The following ZNF718 variants were observed in gnomAD, a reference collection of about 807,000 sequenced individuals.
ZNF718 encodes the protein zinc finger protein 718.
In ZNF718, 3 loss-of-function variants were observed where a neutral mutation model predicts 2.6. The observed-to-expected ratio is 1.16, with a 90% confidence interval of 0.53 to 3.01. The LOEUF (loss-of-function observed/expected upper bound fraction) is 3.01, where lower values mean the gene tolerates loss of function less well. Among genes scored for constraint, ZNF718 ranks in the 30% most tolerant of loss-of-function variants. The pLI is 0.03. For synonymous variants in ZNF718, 135 were observed against 77.9 expected (o/e 1.73, Z -3.86); for missense variants, 468 against 230.0 (o/e 2.03, Z -6.69).
intron 3 of ZNF718, among the ~76,000 whole-genome samples, chr4:185,921 G>T (rs541569722): frequency 2.6e-5 from 4 of 151,976 alleles, no homozygotes; most frequent in Non-Finnish European, 5.9e-5. Context: ...TGAAGACAGC[G>T]TACCAATGGT....
chr4:151,556 C>G (rs1418467639), intron 3 of ZNF718, among the ~76,000 whole-genome samples: 3 of 152,044 alleles, frequency 2.0e-5, no homozygotes, highest in African/African-American at 7.2e-5. Flanking sequence ...TCTTGGCTCA[C>G]TACAACCTCC....
chr4:153,250 T>G (rs1481837453), intron 3 of ZNF718, among the ~76,000 whole-genome samples: 1 of 152,178 alleles, frequency 6.6e-6, no homozygotes. Flanking sequence ...GATTTATTAC[T>G]GGGCTCACTG....
intron 3 of ZNF718, among the ~76,000 whole-genome samples, chr4:169,167 G>A (rs544844026): frequency 2.2e-4 from 34 of 152,192 alleles, no homozygotes; most frequent in Non-Finnish European, 4.1e-4. Flanking sequence ...GTGGTTTTGA[G>A]TAAGTTTCTT....
intron 3 of ZNF718, among the ~76,000 whole-genome samples, chr4:151,247 T>A (rs1241279370): frequency 6.6e-6 from 1 of 151,874 alleles, no homozygotes; most frequent in African/African-American, 2.4e-5. Context: ...GGACTACAGG[T>A]GCATACTGCC....
At chr4:179,261 C>T (rs1366955192) in intron 3 of ZNF718, among the ~76,000 whole-genome samples, 1 of 152,076 alleles carries the variant, frequency 6.6e-6, no homozygotes, top group African/African-American at 2.4e-5. Context: ...GTCTTTATGC[C>T]AATATCACAA....
At position 164,020 on chromosome 4, in the gene ZNF718, A is replaced by G. The variant is rs1717024971; in HGVS notation, c.*1898A>G. ...TATCCTTTGTATTACAAACAATCCA[A>G]TTATACACTTCATTTTTAAATGTAC... On this transcript the variant is annotated 3_prime_UTR_variant, in exon 4 of 4. Transcript: ENST00000510175. 1 of 152,108 alleles carries G rather than the reference A, an allele frequency of 6.6e-6. No homozygotes were observed. Among genetic ancestry groups the G allele is most frequent in the African/African-American group, 2.4e-5 (1 of 41,446 alleles). The allele number at this position is 152,108 out of a possible 1,614,324, so 9.4% of individuals were successfully genotyped here.
intron 3 of ZNF718, among the ~76,000 whole-genome samples, chr4:134,286 A>C (rs1005262235): frequency 2.0e-5 from 3 of 152,150 alleles, no homozygotes; most frequent in African/African-American, 7.2e-5. Flanking sequence ...AGCTGGGACT[A>C]CAGGTGCCCG....
At chr4:146,200 C>T (rs1716051443) in intron 3 of ZNF718, among the ~76,000 whole-genome samples, 1 of 151,622 alleles carries the variant, frequency 6.6e-6, no homozygotes, top group African/African-American at 2.4e-5. Flanking sequence ...TTTTGTAAGA[C>T]AGGTCTAGTG....
At chr4:159,040 C>CTT (rs201288037) in intron 3 of ZNF718, among the ~76,000 whole-genome samples, 17 of 136,394 alleles carry the variant, frequency 1.2e-4, no homozygotes, top group African/African-American at 3.7e-4. Flanking sequence ...TTTCTTTTTT[C>CTT]TTTTTTTTTT....
rs1164522262 is a variant in ZNF718 at position 133,195 on chromosome 4, A to AATATATAT, written c.226+1717_226+1724dup. Among the ~76,000 whole-genome samples, 35 of 20,764 alleles carry AATATATAT rather than the reference A, an allele frequency of 1.7e-3. 4 individuals carry two copies. Among genetic ancestry groups the AATATATAT allele is most frequent in the African/African-American group, 2.2e-3 (13 of 5,960 alleles). The allele number at this position is 20,764 out of a possible 152,430, so 13.6% of individuals were successfully genotyped here. On this transcript the variant is annotated intron_variant, in intron 3 of 3. Coordinates refer to ENST00000510175, the MANE Select transcript of ZNF718 (RefSeq NM_001039127.6). ...TCCATCTTAAAAAAAAAAAAAAAAA[A>AATATATAT]ATATATATATATATATATATATATA...
rs1553816195 is a variant in ZNF718 at position 163,832 on chromosome 4, T to C, written c.*1710T>C. On this transcript the variant is annotated 3_prime_UTR_variant, in exon 4 of 4. Transcript: ENST00000510175. ...GCAAATAAGTTGAAGAATATTGTTC[T>C]CATGTTAAATTTTTATTATTTTTTA... The C allele has an allele frequency of 6.6e-6, 1 of 152,054 alleles. No individual in the cohort carries two copies. Among genetic ancestry groups the C allele is most frequent in the African/African-American group, 2.4e-5 (1 of 41,442 alleles). The allele number at this position is 152,054 out of a possible 1,614,324, so 9.4% of individuals were successfully genotyped here. A position where few individuals can be genotyped will look rare whatever the true frequency, so the allele number is the denominator to read the frequency against.
intron 3 of ZNF718, among the ~76,000 whole-genome samples, chr4:133,643 T>C (rs1715429714): frequency 6.6e-6 from 1 of 152,196 alleles, no homozygotes; most frequent in South Asian, 2.1e-4. Flanking sequence ...AAGCAACATA[T>C]TAAGTAAACT....
intron 3 of ZNF718, among the ~76,000 whole-genome samples, chr4:198,967 A>G (rs1413510272): frequency 6.6e-6 from 1 of 152,246 alleles, no homozygotes; most frequent in Non-Finnish European, 1.5e-5. Flanking sequence ...CAGGCAAGTA[A>G]CTTGCCCATG....
chr4:176,667 G>T (rs1321088067), intron 3 of ZNF718, among the ~76,000 whole-genome samples: 2 of 152,166 alleles, frequency 1.3e-5, no homozygotes, highest in Non-Finnish European at 2.9e-5. Context: ...TCTTCTTGCA[G>T]TCAATCCAAC....
chr4:199,145 G>A (rs1717849793), intron 3 of ZNF718, among the ~76,000 whole-genome samples: 4 of 152,178 alleles, frequency 2.6e-5, no homozygotes, highest in Admixed American at 1.3e-4. Context: ...GGGGCAGAAT[G>A]GTTGATCAAG....
chr4:172,829 G>C (rs1400845917), intron 3 of ZNF718, among the ~76,000 whole-genome samples: 1 of 152,062 alleles, frequency 6.6e-6, no homozygotes, highest in South Asian at 2.1e-4. Flanking sequence ...GCTGAGACGG[G>C]TGGATCACAA....
At chr4:164,779 G>A (rs1452620556), downstream of ZNF718, among the ~76,000 whole-genome samples, 2 of 152,010 alleles carry the variant, frequency 1.3e-5, no homozygotes, top group Admixed American at 1.3e-4. Context: ...TATTTATTGG[G>A]CCAATTCAAG....
chr4:161,109 A>G lies in ZNF718; in HGVS notation c.424A>G (p.Thr142Ala). ...NQCLLTTQKK[T>A]IQSNICVKVF... ...ATGCTTATTAACTACCCAGAAAAAA[A>G]CAATTCAATCTAATATATGTGTCAA... The change falls in exon 4 of 4, where the codon ACA (threonine) becomes GCA (alanine). Residue 142 changes from threonine to alanine, a missense_variant. Coordinates refer to ENST00000510175, the MANE Select transcript of ZNF718 (RefSeq NM_001039127.6). The G allele has an allele frequency of 1.3e-6, 1 of 766,704 alleles. No homozygotes were observed. The highest frequency in any genetic ancestry group is 2.4e-6 in the Non-Finnish European group (1 of 410,246). The allele number at this position is 766,704 out of a possible 1,614,324, so 47.5% of individuals were successfully genotyped here.
At chr4:168,136 A>C (rs1447884485), downstream of ZNF718, among the ~76,000 whole-genome samples, 3 of 152,200 alleles carry the variant, frequency 2.0e-5, no homozygotes, top group East Asian at 3.8e-4. Flanking sequence ...GGTTCTGTTT[A>C]GATGCTGGAT....
Sources: allele counts gnomAD v4.1 joint callset (sites outside exome capture counted in the v4.1 genomes callset), GRCh38; gene constraint gnomAD v4.1.1; transcripts MANE v1.5; gene names NCBI Gene and HGNC (gene_info 2026-07-23, HGNC 2026-07-21).